WDR86: variants seen among roughly 807,000 people sequenced by gnomAD.
WDR86 encodes WD repeat-containing protein 86.
Under a neutral mutation model 36.5 loss-of-function variants are expected in WDR86, and 30 were observed. The observed-to-expected ratio is 0.82, with a 90% CI of 0.61 to 1.11. The LOEUF (loss-of-function observed/expected upper bound fraction) is 1.11, where lower values mean the gene tolerates loss of function less well. Among genes scored for constraint, WDR86 ranks in the 50% most tolerant of loss-of-function variants. WDR86 has a pLI of 0.00. For missense variants in WDR86, 545 were observed against 561.2 expected, an observed-to-expected ratio of 0.97 and a Z score of 0.29; for synonymous variants, 255 against 252.9, an observed-to-expected ratio of 1.01 and a Z score of -0.08.
rs1042250350 is a variant in WDR86 at position 151,395,800 on chromosome 7, G to A, written c.702C>T (p.His234=). 1.9e-6 allele frequency: 3 copies of A among 1,565,192 alleles called. No homozygotes were observed. Among genetic ancestry groups the A allele is most frequent in the East Asian group, 2.4e-5 (1 of 41,888 alleles). Residue 234 remains histidine (H), a synonymous_variant, in exon 3 of 6, where the codon CAC becomes CAT. Transcript: ENST00000334493. ...CCTCCAGACAGATGACGGAGCCCCG[G>A]TGCTCCCGGAACACCCGCAGCTGCT... ...SGEQLRVFRE[H]RGSVICLELV... is the part of the protein sequence containing the mutation.
chr7:151,377,391 G>A, downstream of WDR86: 1 of 504,226 alleles, frequency 2.0e-6, no homozygotes. Flanking sequence ...GGGCCTTCAT[G>A]CGTGGTCTCG....
chr7:151,410,672 C>G (rs1316151198), upstream of WDR86: 1 of 152,350 alleles, frequency 6.6e-6, no homozygotes, highest in Non-Finnish European at 1.5e-5. Context: ...CCGGAGCGCC[C>G]GGCGGCTGGT....
At position 151,401,943 on chromosome 7, in the gene WDR86, G is replaced by A. The variant is rs796317494; in HGVS notation, c.164-1702C>T. 2.2e-4 allele frequency among the ~76,000 whole-genome samples: 33 copies of A among 149,744 alleles called. No individual in the cohort carries two copies. The highest frequency in any genetic ancestry group is 6.9e-4 in the African/African-American group (28 of 40,528). ...GGGCGCCTGTAATCCCAGCTACTCG[G>A]GAGGCTGAGGCAGAGAACTGCTTGA... On this transcript the variant is annotated intron_variant, in intron 1 of 5. Transcript: ENST00000334493. This position sits in a 1 kb window ranked among gnomAD's most constrained non-coding sequence, Gnocchi z 4.3.
At chr7:151,391,825 G>T (rs1176230600) in intron 3 of WDR86, among the ~76,000 whole-genome samples, 1 of 150,816 alleles carries the variant, frequency 6.6e-6, no homozygotes, top group African/African-American at 2.4e-5. Flanking sequence ...CAAGTACAGG[G>T]GTGCGCCTCC....
At chr7:151,372,407 G>A (rs1043845057), downstream of WDR86, among the ~76,000 whole-genome samples, 2 of 152,256 alleles carry the variant, frequency 1.3e-5, no homozygotes, top group Non-Finnish European at 2.9e-5. Context: ...TTGGTGTGAG[G>A]TCTGTGTTAG....
chr7:151,398,455 G>A (rs926726009), intron 2 of WDR86, among the ~76,000 whole-genome samples: 4 of 151,742 alleles, frequency 2.6e-5, no homozygotes, highest in African/African-American at 9.7e-5. Context: ...GAGTGTATGT[G>A]TGTGCACATG....
downstream of WDR86, among the ~76,000 whole-genome samples, chr7:151,372,474 C>T (rs1434676441): frequency 6.6e-5 from 10 of 152,268 alleles, no homozygotes; most frequent in South Asian, 2.1e-4. Flanking sequence ...ATGTTAGGTG[C>T]GCTTCTTAGC....
downstream of WDR86, among the ~76,000 whole-genome samples, chr7:151,380,720 G>A (rs1016868968): frequency 5.3e-5 from 8 of 151,986 alleles, no homozygotes; most frequent in South Asian, 2.1e-4. Flanking sequence ...TGTGTGTTGC[G>A]CCTTCCAGCA....
downstream of WDR86, among the ~76,000 whole-genome samples, chr7:151,379,690 AAAGT>A (rs1051619156): frequency 6.6e-6 from 1 of 151,218 alleles, no homozygotes; most frequent in African/African-American, 2.5e-5. Flanking sequence ...ATAAAAATGC[AAAGT>A]GAGTGCAGCG....
chr7:151,387,292 G>A (rs1397936223), intron 3 of WDR86, among the ~76,000 whole-genome samples: 2 of 152,122 alleles, frequency 1.3e-5, no homozygotes, highest in Admixed American at 1.3e-4. Flanking sequence ...GGCAGGAGAG[G>A]ACAAAGGGAA....
intron 3 of WDR86, among the ~76,000 whole-genome samples, chr7:151,389,468 G>A (rs1799247567): frequency 6.6e-6 from 1 of 152,126 alleles, no homozygotes. Context: ...CCCAGCAGAC[G>A]CCCCACACTT....
At chr7:151,381,032 C>T (rs1798524816), downstream of WDR86, 1 of 689,502 alleles carries the variant, frequency 1.5e-6, no homozygotes, top group Non-Finnish European at 1.9e-6. This position sits in a 1 kb window ranked among gnomAD's most constrained non-coding sequence, Gnocchi z 4.8. Flanking sequence ...AGGCAGAGGG[C>T]AGGAGGCCCG....
upstream of WDR86, chr7:151,410,154 T>C: frequency 1.1e-6 from 1 of 891,828 alleles, no homozygotes; most frequent in Non-Finnish European, 1.3e-6. Context: ...GCTGTGCGGG[T>C]CCGGGGGACG....
chr7:151,375,229 A>G (rs1404294086), downstream of WDR86, among the ~76,000 whole-genome samples: 1 of 152,190 alleles, frequency 6.6e-6, no homozygotes, highest in Non-Finnish European at 1.5e-5. Flanking sequence ...TAAATTTTAA[A>G]TTTTTATTTG....
At chr7:151,395,747 C>T (rs545588395) in intron 3 of WDR86, 29 bp downstream of exon 3, 3 of 1,523,730 alleles carry the variant, frequency 2.0e-6, no homozygotes, top group Non-Finnish European at 2.7e-6. Context: ...GCTCCCCTGG[C>T]TGCTGGGCGG....
intron 2 of WDR86, among the ~76,000 whole-genome samples, chr7:151,397,863 G>A (rs930376718): frequency 2.0e-4 from 31 of 151,360 alleles, no homozygotes; most frequent in African/African-American, 7.3e-4. Context: ...AGGGTGTAGC[G>A]GGAGGCCTTG....
At chr7:151,379,761 C>G (rs1344843093), downstream of WDR86, among the ~76,000 whole-genome samples, 1 of 152,204 alleles carries the variant, frequency 6.6e-6, no homozygotes, top group East Asian at 1.9e-4. Context: ...ATGCATGCTC[C>G]ATTCTCTGCT....
chr7:151,397,816 AAGAGGGTGTAG>A (rs1799972004), intron 2 of WDR86, among the ~76,000 whole-genome samples: 1 of 81,952 alleles, frequency 1.2e-5, no homozygotes. Flanking sequence ...TAGCGGGAGG[AAGAGGGTGTAG>A]CGGGAGGAAG....
intron 3 of WDR86, 102 bp downstream of exon 3, chr7:151,395,674 G>A (rs1262855075): frequency 3.7e-5 from 50 of 1,369,262 alleles, no homozygotes; most frequent in South Asian, 1.5e-4. Flanking sequence ...CATCTGCAGC[G>A]CTTTGTTATG....
Sources: gnomAD v4.1 joint callset for allele counts (sites outside exome capture counted in the v4.1 genomes callset) on GRCh38, gnomAD v4.1.1 for gene constraint, Gnocchi (gnomAD v3.1) non-coding constraint, MANE v1.5 for transcripts, NCBI Gene and HGNC (gene_info 2026-07-23, HGNC 2026-07-21) for gene names.